TBC1D8: variants seen among roughly 807,000 people sequenced by gnomAD.
The protein encoded by TBC1D8 is BUB2-like protein 1.
A neutral mutation model predicts 118.8 loss-of-function variants in TBC1D8; 65 were observed. The observed-to-expected ratio is 0.55, with a 90% confidence interval of 0.45 to 0.67. TBC1D8 has a LOEUF of 0.67. Among genes scored for constraint, TBC1D8 ranks in the 30% least tolerant of loss-of-function variants. The probability of loss-of-function intolerance (pLI) is 0.00; values close to 1 mark genes in which losing one functional copy is unlikely to be tolerated. For synonymous variants in TBC1D8, 566 were observed against 595.8 expected, an observed-to-expected ratio of 0.95 and a Z score of 0.73; for missense variants, 1,376 against 1,471.2, an observed-to-expected ratio of 0.94 and a Z score of 1.06.
intron 12 of TBC1D8, 88 bp downstream of exon 12, chr2:101,029,403 A>AAAAAAC: frequency 6.8e-7 from 1 of 1,460,414 alleles, no homozygotes; most frequent in Non-Finnish European, 9.1e-7. Flanking sequence ...ATAAAAAAAA[A>AAAAAAC]AAAAAACTTC....
At chr2:101,097,898 A>G (rs1238696479) in intron 1 of TBC1D8, among the ~76,000 whole-genome samples, 3 of 152,196 alleles carry the variant, frequency 2.0e-5, no homozygotes, top group Non-Finnish European at 2.9e-5. Flanking sequence ...CCTGCATTCA[A>G]TGTGAAACAG....
chr2:101,057,052 A>T (rs1682479494), intron 3 of TBC1D8, among the ~76,000 whole-genome samples: 1 of 152,194 alleles, frequency 6.6e-6, no homozygotes, highest in Admixed American at 6.5e-5. Flanking sequence ...TTTTAGCTTC[A>T]AAGTGTCAGG....
intron 3 of TBC1D8, among the ~76,000 whole-genome samples, chr2:101,054,948 C>G (rs1360165818): frequency 4.0e-5 from 6 of 151,796 alleles, no homozygotes; most frequent in South Asian, 4.2e-4. Context: ...TCCCAAAGTG[C>G]TGGGATTACA....
At chr2:101,113,843 C>T (rs987628604) in intron 1 of TBC1D8, among the ~76,000 whole-genome samples, 6 of 152,158 alleles carry the variant, frequency 3.9e-5, no homozygotes, top group African/African-American at 1.2e-4. Context: ...CGGCTCCTCA[C>T]GCAGGAAGAG....
chr2:101,013,796 C>T (rs773509706), intron 17 of TBC1D8, among the ~76,000 whole-genome samples: 21 of 152,228 alleles, frequency 1.4e-4, no homozygotes, highest in Non-Finnish European at 2.5e-4. Flanking sequence ...TGGCTTTGAA[C>T]ACAATCTGGC....
At chr2:101,100,398 G>C (rs1200826668) in intron 1 of TBC1D8, among the ~76,000 whole-genome samples, 1 of 152,110 alleles carries the variant, frequency 6.6e-6, no homozygotes, top group East Asian at 1.9e-4. Context: ...TCATCCTCAT[G>C]GATAGGAAGA....
intron 17 of TBC1D8, among the ~76,000 whole-genome samples, chr2:101,015,018 A>G (rs1340247100): frequency 1.3e-5 from 2 of 152,164 alleles, no homozygotes; most frequent in Non-Finnish European, 2.9e-5. Context: ...TGAGAAATGC[A>G]TCATTAGGTG....
intron 1 of TBC1D8, among the ~76,000 whole-genome samples, chr2:101,093,750 C>T (rs915008178): frequency 6.6e-6 from 1 of 151,994 alleles, no homozygotes; most frequent in Non-Finnish European, 1.5e-5. Context: ...CACTCTATCG[C>T]CCAGGTTGGA....
intron 7 of TBC1D8, among the ~76,000 whole-genome samples, chr2:101,038,011 GA>G (rs2105397061): frequency 6.6e-6 from 1 of 152,268 alleles, no homozygotes; most frequent in South Asian, 2.1e-4. Flanking sequence ...GCCACCCTGA[GA>G]AAGCAGCCCT....
At chr2:101,049,453 G>A (rs13006193) in intron 5 of TBC1D8, among the ~76,000 whole-genome samples, 38,382 of 152,064 alleles carry the variant, frequency 0.25, 5,747 homozygotes, top group Middle Eastern at 0.34. Flanking sequence ...TGTCAGCCAG[G>A]CACGGTGGCT....
At chr2:101,065,430 G>C (rs1386477797) in intron 2 of TBC1D8, among the ~76,000 whole-genome samples, 1 of 152,126 alleles carries the variant, frequency 6.6e-6, no homozygotes, top group Non-Finnish European at 1.5e-5. Flanking sequence ...CCCTGTGCAG[G>C]GTAACTCAGG....
chr2:101,050,749 CCTTTTTAAAAAAT>C, intron 4 of TBC1D8, 108 bp from the exon 5 acceptor site: 1 of 1,395,422 alleles, frequency 7.2e-7, no homozygotes, highest in Non-Finnish European at 9.7e-7. Context: ...TGTGTAAATG[CCTTTTTAAAAAAT>C]CTTTTAAGTT....
intron 2 of TBC1D8, among the ~76,000 whole-genome samples, chr2:101,063,621 T>G (rs1399676614): frequency 6.6e-6 from 1 of 152,206 alleles, no homozygotes; most frequent in African/African-American, 2.4e-5. Context: ...CACAAATCAA[T>G]GCAAGCCAAC....
chr2:101,134,193 TCTCTCACACACA>T (rs374532981), intron 1 of TBC1D8, among the ~76,000 whole-genome samples: 15,521 of 121,418 alleles, frequency 0.13, 864 homozygotes, highest in Middle Eastern at 0.25. Flanking sequence ...TCTCTCTCTC[TCTCTCACACACA>T]CACACACACA....
At position 101,010,992 on chromosome 2, in the gene TBC1D8, C is replaced by A. The variant is rs200284558; in HGVS notation, c.2952G>T (p.Gln984His). The change falls in exon 19 of 20, where the codon CAG (glutamine) becomes CAT (histidine). Residue 984 changes from glutamine (Q) to histidine (H), a missense_variant. Coordinates refer to ENST00000409318, the MANE Select transcript of TBC1D8 (RefSeq NM_001330348.2). ...DAVDYQKQLK[Q>H]MIKDLAKEKD... Reference sequence around the variant, plus strand: ...TTTCTTTGGCTAAATCCTTAATCATCTGCTTCAGCTGTTTCTGATAATCAA... The same window carrying A: ...TTTCTTTGGCTAAATCCTTAATCATATGCTTCAGCTGTTTCTGATAATCAA... The A allele has an allele frequency of 7.6e-5, 123 of 1,612,858 alleles. No individual in the cohort carries two copies. Among genetic ancestry groups the A allele is most frequent in the Non-Finnish European group, 9.8e-5 (116 of 1,179,860 alleles).
At chr2:101,048,847 C>A (rs1162682972) in intron 5 of TBC1D8, among the ~76,000 whole-genome samples, 1 of 152,042 alleles carries the variant, frequency 6.6e-6, no homozygotes, top group Non-Finnish European at 1.5e-5. Context: ...TCAGAAAAAT[C>A]ACATTTGAAT....
chr2:101,146,356 A>T (rs1342972697), intron 1 of TBC1D8, among the ~76,000 whole-genome samples: 1 of 152,226 alleles, frequency 6.6e-6, no homozygotes, highest in African/African-American at 2.4e-5. Context: ...TAATCAGCCC[A>T]TCACTACTAC....
intron 2 of TBC1D8, among the ~76,000 whole-genome samples, chr2:101,075,025 T>C (rs975132383): frequency 2.0e-5 from 3 of 151,870 alleles, no homozygotes; most frequent in Admixed American, 6.6e-5. Context: ...AAATAAAAGG[T>C]AGGAAAGGTA....
chr2:101,108,532 C>T (rs534861511), intron 1 of TBC1D8, among the ~76,000 whole-genome samples: 1 of 152,268 alleles, frequency 6.6e-6, no homozygotes, highest in Admixed American at 6.5e-5. Flanking sequence ...GACAGGTGCG[C>T]GTCTCCGAGG....
Sources: allele counts gnomAD v4.1 joint callset (sites outside exome capture counted in the v4.1 genomes callset), GRCh38; gene constraint gnomAD v4.1.1; transcripts MANE v1.5; gene names NCBI Gene and HGNC (gene_info 2026-07-23, HGNC 2026-07-21).